Variants in CUZD1 observed in about 807,000 individuals in gnomAD.
The protein encoded by CUZD1 is CUB and zona pellucida-like domain-containing protein 1.
Under a neutral mutation model 53.1 loss-of-function variants are expected in CUZD1, and 42 were observed. The ratio of observed to expected loss-of-function variants is 0.79; its 90% CI spans 0.62 to 1.02. The LOEUF (loss-of-function observed/expected upper bound fraction) is 1.02, where lower values mean the gene tolerates loss of function less well. CUZD1 is among the 50% of genes least tolerant of loss of function. CUZD1 has a pLI of 0.00. For synonymous variants in CUZD1, 238 were observed against 257.2 expected, an observed-to-expected ratio of 0.93 and a Z score of 0.71; for missense variants, 670 against 715.7, an observed-to-expected ratio of 0.94 and a Z score of 0.73.
At chr10:122,837,596 A>G in intron 3 of CUZD1, 42 bp from the exon 4 acceptor site, 1 of 1,515,260 alleles carries the variant, frequency 6.6e-7, no homozygotes, top group Non-Finnish European at 8.8e-7. Flanking sequence ...ACATCAAAAT[A>G]GAGACTGCTT....
At chr10:122,836,398 A>G in intron 5 of CUZD1, 48 bp from the exon 6 acceptor site, 1 of 1,463,726 alleles carries the variant, frequency 6.8e-7, no homozygotes. Flanking sequence ...TATGCCAGCT[A>G]GGAATGTTGG....
chr10:122,833,764 C>T lies in CUZD1; in HGVS notation c.1559G>A (p.Ser520Asn). ...SRCNQGCVSR[S>N]KRDISSYKWK... Reference sequence around the variant, plus strand: ...TTTATATGAAGAAATGTCTCGTTTGCTTCTGGAGACACAACCTTGATTGCA... The same window carrying T: ...TTTATATGAAGAAATGTCTCGTTTGTTTCTGGAGACACAACCTTGATTGCA... The change falls in exon 8 of 9, where the codon AGC (serine) becomes AAC (asparagine). Residue 520 changes from serine to asparagine, a missense_variant. By Grantham distance (46) the Ser-to-Asn change is conservative. Coordinates refer to ENST00000392790, the MANE Select transcript of CUZD1 (RefSeq NM_022034.6). 6.2e-7 allele frequency: 1 copy of T among 1,613,964 alleles called. No individual in the cohort carries two copies.
chr10:122,838,544 A>C (rs188600368), intron 3 of CUZD1, among the ~76,000 whole-genome samples: 4 of 152,304 alleles, frequency 2.6e-5, no homozygotes, highest in Admixed American at 2.0e-4. Flanking sequence ...TGTCAGAATC[A>C]TCCGGGGGAC....
Position 122,845,798 on chromosome 10 carries a change from A to T in CUZD1, c.46T>A (p.Ser16Thr). 6.2e-7 allele frequency: 1 copy of T among 1,614,058 alleles called. No individual in the cohort carries two copies. Among genetic ancestry groups the T allele is most frequent in the Non-Finnish European group, 8.5e-7 (1 of 1,179,982 alleles). Residue 16 changes from serine to threonine, a missense_variant, in exon 1 of 9, where the codon TCC becomes ACC. Transcript: ENST00000392790. ...RLMPLTLLIL[S>T]CLAELTMAEA... ...GCCATTGTCAGCTCCGCCAAACAGGAGAGAATTAAGAGGGTCAATGGCATG... is the reference window on the plus strand; with the variant it reads ...GCCATTGTCAGCTCCGCCAAACAGGTGAGAATTAAGAGGGTCAATGGCATG...
At position 122,833,779 on chromosome 10, in the gene CUZD1, C is replaced by A. The variant is rs1052448647; in HGVS notation, c.1544G>T (p.Gly515Val). 6.2e-7 allele frequency: 1 copy of A among 1,614,036 alleles called. No individual in the cohort carries two copies. The highest frequency in any genetic ancestry group is 8.5e-7 in the Non-Finnish European group (1 of 1,179,984). The change falls in exon 8 of 9, where the codon GGT becomes GTT. Residue 515 changes from glycine (G) to valine (V), a missense_variant. Gly to Val is a moderately radical substitution (Grantham distance 109, BLOSUM62 -3). Transcript: ENST00000392790. The stretch of plus-strand genomic sequence containing the variant: ...GTCTCGTTTGCTTCTGGAGACACAA[C>A]CTTGATTGCAGCGAGACTGGTGGTC... Reference protein sequence around the residue: ...SSDHQSRCNQGCVSRSKRDIS... With the variant: ...SSDHQSRCNQVCVSRSKRDIS...
Position 122,839,220 on chromosome 10 carries a change from T to C in CUZD1, c.245A>G (p.Asp82Gly). 1 of 1,613,772 alleles carries C rather than the reference T, an allele frequency of 6.2e-7. No homozygotes were observed. The highest frequency in any genetic ancestry group is 8.5e-7 in the Non-Finnish European group (1 of 1,179,760). The stretch of plus-strand genomic sequence containing the variant: ...AATGTTTTCACTTTCACAGCTTCCA[T>C]CTGGATCAAGCCTGTGGAAAAAACA... ...IIFSYVQLDP[D>G]GSCESENIKV... The change falls in exon 3 of 9, where the codon GAT becomes GGT. Residue 82 changes from aspartate to glycine, a missense_variant. Physicochemically the swap from Asp to Gly is moderately conservative, Grantham distance 94. Coordinates refer to ENST00000392790, the MANE Select transcript of CUZD1 (RefSeq NM_022034.6).
Position 122,834,126 on chromosome 10 carries a change from G to A in CUZD1, c.1383-186C>T, listed in dbSNP as rs935463377. Among the ~76,000 whole-genome samples the A allele has an allele frequency of 6.6e-5, 10 of 152,230 alleles. No individual in the cohort carries two copies. In the East Asian group the frequency reaches 1.9e-3, roughly 29 times the overall value. ...GGGTGAGATAGCAAGGTTCTTTCTA[G>A]CTCTAAAATTCCTGGTCCATATAAC... On this transcript the variant is annotated intron_variant, in intron 7 of 8. Transcript: ENST00000392790.
chr10:122,834,971 C>T lies in CUZD1; in HGVS notation c.1117G>A (p.Val373Met), dbSNP rs780999461. 2 of 1,613,864 alleles carry T rather than the reference C, an allele frequency of 1.2e-6. No homozygotes were observed. Among genetic ancestry groups the T allele is most frequent in the Middle Eastern group, 1.7e-4 (1 of 6,056 alleles). Residue 373 changes from valine (V) to methionine (M), a missense_variant, in exon 7 of 9, where the codon GTG (valine) becomes ATG (methionine). Val to Met is a conservative substitution (Grantham distance 21). Coordinates refer to ENST00000392790, the MANE Select transcript of CUZD1 (RefSeq NM_022034.6). ...TCTTCTGTTATGTATATTATCTCCA[C>T]TGTAGAATTATGTCCCATTTCACAC... Reference protein sequence around the residue: ...VKCEMGHNSTVEIIYITEDDV... With the variant: ...VKCEMGHNSTMEIIYITEDDV...
At position 122,832,199 on chromosome 10, in the gene CUZD1, C is replaced by T. The variant is rs1847172048; in HGVS notation, c.*79G>A. On this transcript the variant is annotated 3_prime_UTR_variant, in exon 9 of 9. Coordinates refer to ENST00000392790, the MANE Select transcript of CUZD1 (RefSeq NM_022034.6). ...ACTTTCAGGCCCTTCCTCATTTATT[C>T]ATAATATGTGTAGCCACGAGGTAGC... The T allele has an allele frequency of 6.9e-7, 1 of 1,442,408 alleles. No individual in the cohort carries two copies. Among genetic ancestry groups the T allele is most frequent in the South Asian group, 1.3e-5 (1 of 79,012 alleles). 89.4% of individuals were successfully genotyped at this position (1,442,408 alleles called of 1,614,324 possible). A position where few individuals can be genotyped will look rare whatever the true frequency, so the allele number is the denominator to read the frequency against.
At position 122,836,835 on chromosome 10, in the gene CUZD1, G is replaced by A. The variant is rs1379433402; in HGVS notation, c.813C>T (p.Asn271=). 6 of 1,607,052 alleles carry A rather than the reference G, an allele frequency of 3.7e-6. No homozygotes were observed. In the East Asian group the frequency reaches 1.1e-4, roughly 30 times the overall value. ...AGAATATAAAACATGACTTACTAGT[G>A]TTGATGTTTTCTGCATAAATTGAGG... ...SYTSIYAENI[N]TTSLTCSSDR... The change falls in exon 5 of 9, where the codon AAC becomes AAT. Residue 271 remains asparagine (N), a synonymous_variant. Transcript: ENST00000392790.
chr10:122,845,788 G>T lies in CUZD1; in HGVS notation c.56C>A (p.Ala19Glu). The T allele has an allele frequency of 1.9e-6, 3 of 1,613,912 alleles. No homozygotes were observed. Among genetic ancestry groups the T allele is most frequent in the Admixed American group, 1.7e-5 (1 of 60,014 alleles). ...PLTLLILSCL[A>E]ELTMAEAEGN... Reference sequence around the variant, plus strand: ...TTCAGCCTCCGCCATTGTCAGCTCCGCCAAACAGGAGAGAATTAAGAGGGT... The same window carrying T: ...TTCAGCCTCCGCCATTGTCAGCTCCTCCAAACAGGAGAGAATTAAGAGGGT... Residue 19 changes from alanine to glutamate, a missense_variant, in exon 1 of 9, where the codon GCG (alanine) becomes GAG (glutamate). Ala to Glu is a moderately radical substitution (Grantham distance 107). Coordinates refer to ENST00000392790, the MANE Select transcript of CUZD1 (RefSeq NM_022034.6).
chr10:122,836,103 A>C, intron 6 of CUZD1, 75 bp downstream of exon 6: 1 of 1,360,612 alleles, frequency 7.3e-7, no homozygotes, highest in Non-Finnish European at 9.9e-7. Context: ...AGCAGCTAGC[A>C]AGCATTACCC....
At chr10:122,845,488 A>G (rs1847422282) in intron 1 of CUZD1, among the ~76,000 whole-genome samples, 1 of 152,184 alleles carries the variant, frequency 6.6e-6, no homozygotes, top group Non-Finnish European at 1.5e-5. Flanking sequence ...ATTTATACAT[A>G]TATCTTTGGA....
chr10:122,838,318 G>A (rs1324130243), intron 3 of CUZD1, among the ~76,000 whole-genome samples: 1 of 152,188 alleles, frequency 6.6e-6, no homozygotes, highest in Non-Finnish European at 1.5e-5. Flanking sequence ...TTTAGCAGGA[G>A]AGTGACATGG....
intron 1 of CUZD1, among the ~76,000 whole-genome samples, chr10:122,844,285 G>A (rs979817497): frequency 1.3e-5 from 2 of 152,018 alleles, no homozygotes; most frequent in African/African-American, 2.4e-5. Context: ...ATGCTCCCAT[G>A]TCAGCCCCCC....
intron 2 of CUZD1, 135 bp from the exon 3 acceptor site, chr10:122,839,366 C>G: frequency 1.4e-6 from 1 of 692,438 alleles, no homozygotes. Context: ...TCTCCAAGAC[C>G]AATCACCAAC....
At position 122,836,746 on chromosome 10, in the gene CUZD1, C is replaced by T. The variant is rs1847257849; in HGVS notation, c.817+85G>A. The T allele has an allele frequency of 3.8e-6, 4 of 1,056,954 alleles. No individual in the cohort carries two copies. In the East Asian group the frequency reaches 9.7e-5, roughly 26 times the overall value. The allele number at this position is 1,056,954 out of a possible 1,614,324, so 65.5% of individuals were successfully genotyped here. ...GTGACATGCTTGCAAATAGGAATAGCCACAGGTAGGCTAAAAATTAACAAT... is the reference window on the plus strand; with the variant it reads ...GTGACATGCTTGCAAATAGGAATAGTCACAGGTAGGCTAAAAATTAACAAT... On this transcript the variant is annotated intron_variant, in intron 5 of 8. Coordinates refer to ENST00000392790, the MANE Select transcript of CUZD1 (RefSeq NM_022034.6).
intron 5 of CUZD1, 22 bp downstream of exon 5, chr10:122,836,809 A>G: frequency 6.4e-7 from 1 of 1,573,706 alleles, no homozygotes; most frequent in Non-Finnish European, 8.7e-7. Context: ...CAAAATAGCT[A>G]AGAATATAAA....
chr10:122,841,052 C>T (rs1212649709), intron 2 of CUZD1, 126 bp downstream of exon 2: 13 of 859,350 alleles, frequency 1.5e-5, no homozygotes, highest in African/African-American at 3.4e-5. Context: ...ATCATCATCA[C>T]GATGGTTGTC....
Sources: allele counts gnomAD v4.1 joint callset (sites outside exome capture counted in the v4.1 genomes callset), GRCh38; gene constraint gnomAD v4.1.1; transcripts MANE v1.5; gene names NCBI Gene and HGNC (gene_info 2026-07-23, HGNC 2026-07-21).